The following SP140L variants were observed in gnomAD, a reference collection of about 807,000 sequenced individuals.
SP140L encodes the protein nuclear body protein SP140-like protein.
A neutral mutation model predicts 84.3 loss-of-function variants in SP140L; 64 were observed. The ratio of observed to expected loss-of-function variants is 0.76; its 90% CI spans 0.62 to 0.94. The LOEUF is 0.94. Among genes scored for constraint, SP140L ranks in the 40% least tolerant of loss-of-function variants. The pLI, the probability that SP140L is intolerant of heterozygous loss-of-function variation, is 0.00. For missense variants in SP140L, 628 were observed against 692.5 expected, an observed-to-expected ratio of 0.91 and a Z score of 1.05; for synonymous variants, 242 against 236.9, an observed-to-expected ratio of 1.02 and a Z score of -0.20.
chr2:230,373,512 A>T (rs1243566161), intron 7 of SP140L, among the ~76,000 whole-genome samples: 2 of 152,224 alleles, frequency 1.3e-5, no homozygotes, highest in Non-Finnish European at 2.9e-5. Context: ...TAAAGCCCAG[A>T]TGAGAGCACA....
At chr2:230,371,739 T>C (rs1453774189) in intron 7 of SP140L, 88 bp downstream of exon 7, 3 of 1,233,384 alleles carry the variant, frequency 2.4e-6, no homozygotes, top group Non-Finnish European at 3.5e-6. Flanking sequence ...TTACTGTTTC[T>C]GTTATTATTT....
intron 6 of SP140L, 103 bp from the exon 7 acceptor site, chr2:230,371,495 A>G: frequency 9.2e-7 from 1 of 1,082,012 alleles, no homozygotes; most frequent in South Asian, 1.5e-5. Flanking sequence ...TGAGTAACCA[A>G]ACATCTTTAT....
chr2:230,332,007 C>A (rs1251225853), intron 2 of SP140L, among the ~76,000 whole-genome samples: 2 of 152,082 alleles, frequency 1.3e-5, no homozygotes, highest in African/African-American at 2.4e-5. Context: ...TACTGAATAG[C>A]AACAACAAAA....
At chr2:230,390,051 C>A in intron 11 of SP140L, 28 bp downstream of exon 11, 1 of 1,569,866 alleles carries the variant, frequency 6.4e-7, no homozygotes, top group Non-Finnish European at 8.7e-7. Context: ...CTTTAATTTG[C>A]AGCTCCTATC....
chr2:230,350,247 AT>A (rs2060325650), intron 2 of SP140L, among the ~76,000 whole-genome samples: 1 of 152,204 alleles, frequency 6.6e-6, no homozygotes, highest in Non-Finnish European at 1.5e-5. Context: ...TTTAATTTAT[AT>A]AAAAATGGGA....
At chr2:230,394,983 T>G (rs370734029) in intron 13 of SP140L, among the ~76,000 whole-genome samples, 1,521 of 131,852 alleles carry the variant, frequency 0.012, 29 homozygotes, top group African/African-American at 0.039. Flanking sequence ...CTTAAGAGAC[T>G]CCAGTAATTT....
intron 7 of SP140L, among the ~76,000 whole-genome samples, chr2:230,382,465 T>A (rs1249800377): frequency 6.6e-6 from 1 of 152,160 alleles, no homozygotes; most frequent in Non-Finnish European, 1.5e-5. Flanking sequence ...TGCTGCAAAA[T>A]CTGTCTGTAC....
intron 12 of SP140L, among the ~76,000 whole-genome samples, chr2:230,393,037 G>T (rs1277806932): frequency 6.6e-6 from 1 of 152,096 alleles, no homozygotes; most frequent in Non-Finnish European, 1.5e-5. Context: ...AGATTGATCA[G>T]AGTGACTGAC....
At chr2:230,390,135 A>C (rs1412865081) in intron 11 of SP140L, 112 bp downstream of exon 11, 1 of 927,570 alleles carries the variant, frequency 1.1e-6, no homozygotes, top group Non-Finnish European at 1.6e-6. Flanking sequence ...GGCCCAGTTT[A>C]GCTTGAGGGA....
chr2:230,399,730 G>A (rs903231404), intron 14 of SP140L: 1 of 159,838 alleles, frequency 6.3e-6, no homozygotes, highest in Non-Finnish European at 1.4e-5. Flanking sequence ...TCCATCATAT[G>A]TAATTCTCTG....
At chr2:230,353,823 G>A (rs1476330987) in intron 2 of SP140L, among the ~76,000 whole-genome samples, 1 of 151,840 alleles carries the variant, frequency 6.6e-6, no homozygotes, top group African/African-American at 2.4e-5. Flanking sequence ...TGCAAACTAT[G>A]TTTGCTCTTT....
At chr2:230,397,454 T>A (rs111781555) in intron 14 of SP140L, among the ~76,000 whole-genome samples, 2 of 152,330 alleles carry the variant, frequency 1.3e-5, no homozygotes, top group African/African-American at 4.8e-5. Context: ...TTAACTCAAC[T>A]GCTTATCTGG....
chr2:230,368,262 A>G (rs948109538), intron 5 of SP140L, among the ~76,000 whole-genome samples: 2 of 152,156 alleles, frequency 1.3e-5, no homozygotes, highest in African/African-American at 4.8e-5. Flanking sequence ...TTTGGTGGGC[A>G]GTTTTTTTCT....
At chr2:230,389,775 C>A in intron 10 of SP140L, 144 bp from the exon 11 acceptor site, 1 of 805,812 alleles carries the variant, frequency 1.2e-6, no homozygotes. Context: ...AAAAATGCCA[C>A]TTGGAAGAAA....
chr2:230,399,249 G>A (rs942355211), intron 14 of SP140L, among the ~76,000 whole-genome samples: 3 of 152,150 alleles, frequency 2.0e-5, no homozygotes, highest in South Asian at 2.1e-4. Context: ...ACAACACATG[G>A]ATGCAAATAC....
chr2:230,374,477 T>C (rs2061181815), intron 7 of SP140L, among the ~76,000 whole-genome samples: 1 of 152,200 alleles, frequency 6.6e-6, no homozygotes, highest in Non-Finnish European at 1.5e-5. Context: ...ATTGTTGAAA[T>C]GACAACAAAG....
intron 2 of SP140L, among the ~76,000 whole-genome samples, chr2:230,344,672 A>G (rs1322961926): frequency 6.6e-6 from 1 of 152,168 alleles, no homozygotes; most frequent in African/African-American, 2.4e-5. Flanking sequence ...TTTCCTTTCC[A>G]TATTTAGTGC....
chr2:230,350,899 A>G (rs2060344064), intron 2 of SP140L, among the ~76,000 whole-genome samples: 1 of 152,196 alleles, frequency 6.6e-6, no homozygotes, highest in African/African-American at 2.4e-5. Flanking sequence ...AACAGTCAAT[A>G]TCAATTCCCT....
At chr2:230,371,231 T>G (rs1358673862) in intron 6 of SP140L, among the ~76,000 whole-genome samples, 1 of 152,216 alleles carries the variant, frequency 6.6e-6, no homozygotes, top group Non-Finnish European at 1.5e-5. Context: ...ATTAATATGT[T>G]AAGTCACACT....
Sources: allele counts gnomAD v4.1 joint callset (sites outside exome capture counted in the v4.1 genomes callset), GRCh38; gene constraint gnomAD v4.1.1; transcripts MANE v1.5; gene names NCBI Gene and HGNC (gene_info 2026-07-23, HGNC 2026-07-21).